Variants in PNPLA1 observed in about 807,000 individuals in gnomAD.
PNPLA1 encodes the protein patatin like domain 1, omega-hydroxyceramide transacylase, also known as omega-hydroxyceramide transacylase.
A neutral mutation model predicts 51.7 loss-of-function variants in PNPLA1; 36 were observed. The observed-to-expected ratio is 0.70, with a 90% CI of 0.53 to 0.92. The LOEUF is 0.92. Among genes scored for constraint, PNPLA1 ranks in the 40% least tolerant of loss-of-function variants. The pLI is 0.00. For missense variants in PNPLA1, 658 were observed against 682.5 expected, an observed-to-expected ratio of 0.96 and a Z score of 0.40; for synonymous variants, 293 against 280.1, an observed-to-expected ratio of 1.05 and a Z score of -0.46.
At chr6:36,257,732 A>T (rs529627206) in intron 1 of PNPLA1, among the ~76,000 whole-genome samples, 13 of 152,164 alleles carry the variant, frequency 8.5e-5, no homozygotes, top group Non-Finnish European at 8.8e-5. Context: ...TAGTTTTTAC[A>T]TCTGAGTTGT....
intron 1 of PNPLA1, among the ~76,000 whole-genome samples, chr6:36,257,157 C>T (rs937981706): frequency 2.0e-5 from 3 of 152,144 alleles, no homozygotes; most frequent in African/African-American, 7.2e-5. Flanking sequence ...GGGTGGAGAA[C>T]TTCAGAGAAA....
intron 1 of PNPLA1, among the ~76,000 whole-genome samples, chr6:36,282,139 A>AGG (rs1561859501): frequency 3.4e-5 from 5 of 146,286 alleles, no homozygotes; most frequent in South Asian, 2.2e-4. Context: ...GAAGGAAGGA[A>AGG]AGAGAGACAG....
chr6:36,265,813 A>G (rs1769747236), upstream of PNPLA1, among the ~76,000 whole-genome samples: 1 of 152,204 alleles, frequency 6.6e-6, no homozygotes, highest in Non-Finnish European at 1.5e-5. Context: ...ACGATTTTTG[A>G]TGCCTTAGCC....
chr6:36,289,756 A>G (rs942734177), intron 1 of PNPLA1, among the ~76,000 whole-genome samples: 3 of 152,096 alleles, frequency 2.0e-5, no homozygotes, highest in African/African-American at 7.2e-5. Flanking sequence ...CAAGACACTT[A>G]GCTTTTCTCT....
chr6:36,306,794 G>A (rs1771252168), intron 7 of PNPLA1, among the ~76,000 whole-genome samples: 1 of 152,128 alleles, frequency 6.6e-6, no homozygotes, highest in South Asian at 2.1e-4. Context: ...TCCTTACTCC[G>A]AACTATTTTC....
In PNPLA1 at chr6:36,300,161, T is replaced by TTGTGTGTGTGTGTGTGTGTGTGTGTGTG. The variant is rs145503312; in HGVS notation, c.776-1682_776-1681insTGTGTGTGTGTGTGTGTGTGTGTGTGTG. Among the ~76,000 whole-genome samples, 80 of 103,012 alleles carry TTGTGTGTGTGTGTGTGTGTGTGTGTGTG rather than the reference T, an allele frequency of 7.8e-4. 1 individual carries two copies. Among genetic ancestry groups the TTGTGTGTGTGTGTGTGTGTGTGTGTGTG allele is most frequent in the Middle Eastern group, 4.1e-3 (1 of 246 alleles). The allele number at this position is 103,012 out of a possible 152,430, so 67.6% of individuals were successfully genotyped here. A position where few individuals can be genotyped will look rare whatever the true frequency, so the allele number is the denominator to read the frequency against. On this transcript the variant is annotated intron_variant, in intron 5 of 8. Coordinates refer to ENST00000636260, the MANE Select transcript of PNPLA1 (RefSeq NM_001374623.1). ...ACAGTTTCTCAGACTTTTCTTATTC[T>TTGTGTGTGTGTGTGTGTGTGTGTGTGTG]TGTGTGTGTGTGTGTGTGAGAGAGA... is the stretch of plus-strand genomic sequence containing the variant.
intron 1 of PNPLA1, among the ~76,000 whole-genome samples, chr6:36,259,610 A>G (rs1561849213): frequency 6.6e-6 from 1 of 152,058 alleles, no homozygotes; most frequent in Non-Finnish European, 1.5e-5. Context: ...GAAAAAAAAA[A>G]CACTGTGAGA....
intron 1 of PNPLA1, among the ~76,000 whole-genome samples, chr6:36,288,216 T>C (rs6900972): frequency 0.012 from 1,899 of 152,330 alleles, 38 homozygotes; most frequent in African/African-American, 0.042. Flanking sequence ...CATTGCATCG[T>C]TATTTAGAAA....
chr6:36,280,581 T>C (rs1298453678), intron 1 of PNPLA1, among the ~76,000 whole-genome samples: 1 of 152,180 alleles, frequency 6.6e-6, no homozygotes, highest in African/African-American at 2.4e-5. Context: ...GTCCTAGCTT[T>C]AAGCAGAGGT....
intron 1 of PNPLA1, among the ~76,000 whole-genome samples, chr6:36,276,754 G>GTTCGTTCCTTCCTTCCTTCC (rs1554135959): frequency 1.3e-5 from 2 of 149,774 alleles, no homozygotes; most frequent in African/African-American, 2.5e-5. Flanking sequence ...TCGTTCGTTC[G>GTTCGTTCCTTCCTTCCTTCC]TTCCTTCCTT....
intron 1 of PNPLA1, among the ~76,000 whole-genome samples, chr6:36,245,217 G>A (rs1301942341): frequency 6.6e-6 from 1 of 152,190 alleles, no homozygotes; most frequent in Non-Finnish European, 1.5e-5. Context: ...AAGAATGGTG[G>A]TCTGAGTTCA....
At position 36,294,448 on chromosome 6, in the gene PNPLA1, G is replaced by A. The variant is rs369533874; in HGVS notation, c.714+49G>A. 1 of 1,569,586 alleles carries A rather than the reference G, an allele frequency of 6.4e-7. No individual in the cohort carries two copies. The highest frequency in any genetic ancestry group is 8.7e-7 in the Non-Finnish European group (1 of 1,144,708). ...GAGTAGCAGAAGGTACCAGGGACTAGGGGTGGGGTTAGAGAGCCACTGGGG... is the reference window on the plus strand; with the variant it reads ...GAGTAGCAGAAGGTACCAGGGACTAAGGGTGGGGTTAGAGAGCCACTGGGG... On this transcript the variant is annotated intron_variant, in intron 4 of 8. Coordinates refer to ENST00000636260, the MANE Select transcript of PNPLA1 (RefSeq NM_001374623.1). The surrounding 1 kb of genome is among the most constrained non-coding windows in gnomAD (Gnocchi z 4.2).
At chr6:36,275,174 G>T (rs145750150) in intron 1 of PNPLA1, among the ~76,000 whole-genome samples, 2,408 of 152,186 alleles carry the variant, frequency 0.016, 55 homozygotes, top group African/African-American at 0.05. Flanking sequence ...GAACTCCTAG[G>T]CTCAAGTGAT....
intron 6 of PNPLA1, among the ~76,000 whole-genome samples, 153 bp from the exon 7 acceptor site, chr6:36,306,139 C>T (rs538234208): frequency 2.6e-5 from 4 of 152,298 alleles, no homozygotes; most frequent in East Asian, 1.9e-4. Context: ...TCAAGTCCCA[C>T]GACATGACTC....
At chr6:36,253,341 G>GC (rs1171508121) in intron 1 of PNPLA1, among the ~76,000 whole-genome samples, 2 of 152,182 alleles carry the variant, frequency 1.3e-5, no homozygotes, top group African/African-American at 4.8e-5. Flanking sequence ...GCTTTACAAT[G>GC]CTTGAGTAGT....
chr6:36,277,021 C>T (rs79678096), intron 1 of PNPLA1, among the ~76,000 whole-genome samples: 5,208 of 152,236 alleles, frequency 0.034, 129 homozygotes, highest in Middle Eastern at 0.14. Flanking sequence ...CTCATAGAAG[C>T]GGCATTTGAG....
chr6:36,287,755 A>AACACACACAC (rs57750301), intron 1 of PNPLA1, among the ~76,000 whole-genome samples: 132 of 148,446 alleles, frequency 8.9e-4, no homozygotes, highest in Admixed American at 1.4e-3. Flanking sequence ...GACAGACAGA[A>AACACACACAC]ACACACACAC....
intron 1 of PNPLA1, among the ~76,000 whole-genome samples, chr6:36,260,504 T>C (rs920221596): frequency 6.6e-6 from 1 of 152,230 alleles, no homozygotes; most frequent in Non-Finnish European, 1.5e-5. Context: ...TGGTTCAACA[T>C]TCAGAAGGTG....
At chr6:36,282,535 A>G (rs1178433659) in intron 1 of PNPLA1, among the ~76,000 whole-genome samples, 1 of 152,246 alleles carries the variant, frequency 6.6e-6, no homozygotes, top group Non-Finnish European at 1.5e-5. Flanking sequence ...TTGGTTACAC[A>G]GTAGAAACAT....
Sources: gnomAD v4.1 joint callset for allele counts (sites outside exome capture counted in the v4.1 genomes callset) on GRCh38, gnomAD v4.1.1 for gene constraint, Gnocchi (gnomAD v3.1) non-coding constraint, MANE v1.5 for transcripts, NCBI Gene and HGNC (gene_info 2026-07-23, HGNC 2026-07-21) for gene names.